UVRAG: variants seen among roughly 807,000 people sequenced by gnomAD.
UVRAG encodes UV radiation resistance associated, also known as UV radiation resistance-associated gene protein.
UVRAG carries 19 observed loss-of-function variants against 78.0 expected under a neutral mutation model. The ratio of observed to expected loss-of-function variants is 0.24; its 90% CI spans 0.17 to 0.36. The LOEUF (loss-of-function observed/expected upper bound fraction) is 0.36. Among genes scored for constraint, UVRAG ranks in the 10% least tolerant of loss-of-function variants. The probability of loss-of-function intolerance (pLI) is 1.00; values close to 1 mark genes in which losing one functional copy is unlikely to be tolerated. For missense variants in UVRAG, 740 were observed against 853.8 expected, an observed-to-expected ratio of 0.87 and a Z score of 1.66; for synonymous variants, 323 against 324.6, an observed-to-expected ratio of 1.00 and a Z score of 0.05.
chr11:76,000,919 G>GTT (rs1949801846), intron 8 of UVRAG, among the ~76,000 whole-genome samples: 1 of 152,292 alleles, frequency 6.6e-6, no homozygotes, highest in Admixed American at 6.5e-5. Context: ...CACAATTATA[G>GTT]TTAGAAACCA....
chr11:75,964,839 T>C (rs1948984802), intron 7 of UVRAG, among the ~76,000 whole-genome samples: 1 of 152,232 alleles, frequency 6.6e-6, no homozygotes, highest in Non-Finnish European at 1.5e-5. Context: ...CCGGTTGATT[T>C]AGCATCATTT....
intron 12 of UVRAG, among the ~76,000 whole-genome samples, chr11:76,060,416 C>T (rs1363624504): frequency 6.6e-6 from 1 of 152,194 alleles, no homozygotes; most frequent in Non-Finnish European, 1.5e-5. Context: ...TGCTGACAGC[C>T]CTCACTCGCT....
At chr11:75,849,268 G>A (rs1443801037) in intron 1 of UVRAG, among the ~76,000 whole-genome samples, 1 of 151,932 alleles carries the variant, frequency 6.6e-6, no homozygotes, top group African/African-American at 2.4e-5. Context: ...CACTTTGGGA[G>A]GCCAAGGCGG....
chr11:75,872,391 CTT>C (rs558324580), intron 3 of UVRAG, among the ~76,000 whole-genome samples: 9 of 137,168 alleles, frequency 6.6e-5, no homozygotes, highest in Admixed American at 7.3e-5. Context: ...CTAATGCTGC[CTT>C]TTTTTTTTTT....
intron 1 of UVRAG, chr11:75,839,163 T>C (rs1340471627): frequency 1.3e-5 from 2 of 152,222 alleles, no homozygotes; most frequent in African/African-American, 4.8e-5. Context: ...TAATGTTCTT[T>C]GCCATTTTTT....
chr11:75,973,708 T>TC (rs1423948339), intron 7 of UVRAG, among the ~76,000 whole-genome samples: 3 of 152,056 alleles, frequency 2.0e-5, no homozygotes, highest in African/African-American at 4.8e-5. Flanking sequence ...CCCTCCTCCA[T>TC]CCCCCCAACC....
At chr11:76,017,727 T>A (rs1950175400) in intron 12 of UVRAG, among the ~76,000 whole-genome samples, 1 of 152,182 alleles carries the variant, frequency 6.6e-6, no homozygotes, top group Admixed American at 6.5e-5. Context: ...CAGATGGTGA[T>A]GCAGTGACAT....
chr11:76,081,024 G>A (rs1157981423), intron 13 of UVRAG, among the ~76,000 whole-genome samples: 2 of 152,162 alleles, frequency 1.3e-5, no homozygotes, highest in African/African-American at 2.4e-5. Context: ...AAACATTTCT[G>A]TGTCTGTCCC....
chr11:76,061,838 A>G (rs144608677), intron 12 of UVRAG, among the ~76,000 whole-genome samples: 1 of 152,340 alleles, frequency 6.6e-6, no homozygotes, highest in East Asian at 1.9e-4. Flanking sequence ...TATATTCAGT[A>G]TGTTTAGTTT....
intron 13 of UVRAG, among the ~76,000 whole-genome samples, chr11:76,104,502 TAACTAATC>T (rs1349012973): frequency 1.3e-5 from 2 of 152,226 alleles, no homozygotes; most frequent in African/African-American, 2.4e-5. Context: ...TCCTGGCACA[TAACTAATC>T]ACTGAATAAA....
intron 13 of UVRAG, among the ~76,000 whole-genome samples, chr11:76,080,040 G>C (rs1951469179): frequency 6.6e-6 from 1 of 152,286 alleles, no homozygotes; most frequent in Non-Finnish European, 1.5e-5. Flanking sequence ...GAGATGGAGA[G>C]AGGAAAATTG....
intron 13 of UVRAG, among the ~76,000 whole-genome samples, chr11:76,075,709 C>A (rs1951391754): frequency 6.6e-6 from 1 of 152,162 alleles, no homozygotes; most frequent in African/African-American, 2.4e-5. Flanking sequence ...TCATTGCCCC[C>A]AAAAGAAACC....
rs568321432 is a variant in UVRAG at position 75,998,053 on chromosome 11, C to T, written c.827-5952C>T. On this transcript the variant is annotated intron_variant, in intron 8 of 14. Transcript: ENST00000356136. ...GGAAAACATGAAAGACAACTCTACT[C>T]AAGAGTGAAATACCTACCCCAAATA... Among the ~76,000 whole-genome samples, 3 of 152,272 alleles carry T rather than the reference C, an allele frequency of 2.0e-5. No homozygotes were observed. The South Asian group carries it at 6.2e-4, about 32-fold the overall frequency.
In UVRAG at chr11:76,038,356, C is replaced by CAA. The variant is rs372629462; in HGVS notation, c.1226+21385_1226+21386dup. ...AAATTTCCTGGGGACATGGTTTATGCAAAAAAAAAATACAAATTGCAAAAA... is the reference window on the plus strand; with the variant it reads ...AAATTTCCTGGGGACATGGTTTATGCAAAAAAAAAAAATACAAATTGCAAAAA... On this transcript the variant is annotated intron_variant, in intron 12 of 14. Coordinates refer to ENST00000356136, the MANE Select transcript of UVRAG (RefSeq NM_003369.4). Among the ~76,000 whole-genome samples the CAA allele has an allele frequency of 9.4e-3, 1,340 of 143,250 alleles. 15 individuals are homozygous for CAA. The highest frequency in any genetic ancestry group is 0.033 in the African/African-American group (1,277 of 39,104). 94.0% of individuals were successfully genotyped at this position (143,250 alleles called of 152,430 possible). A position where few individuals can be genotyped will look rare whatever the true frequency, so the allele number is the denominator to read the frequency against.
At chr11:75,847,468 T>G (rs1470866182) in intron 1 of UVRAG, among the ~76,000 whole-genome samples, 1 of 151,378 alleles carries the variant, frequency 6.6e-6, no homozygotes, top group African/African-American at 2.4e-5. Context: ...AGGGTCTCAC[T>G]ATGTTGTTGC....
chr11:76,034,257 A>G (rs2135405790), intron 12 of UVRAG, among the ~76,000 whole-genome samples: 1 of 152,202 alleles, frequency 6.6e-6, no homozygotes, highest in East Asian at 1.9e-4. Context: ...GGAATGCAGT[A>G]GTGTAGTCAT....
intron 14 of UVRAG, among the ~76,000 whole-genome samples, chr11:76,124,637 A>G (rs986334511): frequency 6.6e-6 from 1 of 152,234 alleles, no homozygotes; most frequent in African/African-American, 2.4e-5. Context: ...TCTCCAGAGT[A>G]CTTTAGTGTT....
intron 11 of UVRAG, among the ~76,000 whole-genome samples, chr11:76,014,202 A>C (rs1337429542): frequency 1.3e-5 from 2 of 152,364 alleles, no homozygotes; most frequent in African/African-American, 2.4e-5. Context: ...CAAAATATAC[A>C]AATATAATTC....
At chr11:75,985,946 A>G (rs1050518041) in intron 8 of UVRAG, among the ~76,000 whole-genome samples, 2 of 152,018 alleles carry the variant, frequency 1.3e-5, no homozygotes, top group Admixed American at 1.3e-4. Flanking sequence ...ATAGGTGTTG[A>G]TATCCATTAA....
Sources: gnomAD v4.1 joint callset for allele counts (sites outside exome capture counted in the v4.1 genomes callset) on GRCh38, gnomAD v4.1.1 for gene constraint, MANE v1.5 for transcripts, NCBI Gene and HGNC (gene_info 2026-07-23, HGNC 2026-07-21) for gene names.